Variants in ARL15 observed in about 807,000 individuals in gnomAD.
ARL15 encodes ADP-ribosylation factor-like protein 15.
A neutral mutation model predicts 25.2 loss-of-function variants in ARL15; 19 were observed. That is an observed-to-expected ratio of 0.75 (90% confidence interval 0.53 to 1.10). ARL15 has a LOEUF of 1.10. Ranked by LOEUF, ARL15 falls within the 50% of genes least tolerant of loss-of-function variation. The pLI is 0.00. For synonymous variants in ARL15, 94 were observed against 86.8 expected, an observed-to-expected ratio of 1.08 and a Z score of -0.46; for missense variants, 220 against 246.0, an observed-to-expected ratio of 0.89 and a Z score of 0.71.
Position 54,277,701 on chromosome 5 carries a change from G to A in ARL15, c.48+32731C>T, listed in dbSNP as rs113006356. ...CGGGAGGCAGAGCTTGCAGTGAGCC[G>A]AGATCGTGCCACTGCACTCCAGGCT... On this transcript the variant is annotated intron_variant, in intron 1 of 4. Coordinates refer to ENST00000504924, the MANE Select transcript of ARL15 (RefSeq NM_019087.3). Among the ~76,000 whole-genome samples the A allele has an allele frequency of 6.8e-3, 1,035 of 152,158 alleles. 19 individuals carry two copies. The highest frequency in any genetic ancestry group is 0.023 in the African/African-American group (971 of 41,500).
intron 1 of ARL15, among the ~76,000 whole-genome samples, chr5:54,284,988 T>A (rs1440164704): frequency 6.6e-6 from 1 of 152,228 alleles, no homozygotes; most frequent in African/African-American, 2.4e-5. Context: ...ATGCTATATT[T>A]GCAAGAAACT....
intron 4 of ARL15, among the ~76,000 whole-genome samples, chr5:53,990,238 A>T (rs2111652138): frequency 1.0e-5 from 1 of 96,618 alleles, no homozygotes; most frequent in Non-Finnish European, 2.2e-5. Context: ...GTCTCTAAAA[A>T]AAAAATAGTT....
chr5:53,999,114 C>T (rs141351201), intron 4 of ARL15, among the ~76,000 whole-genome samples: 4 of 152,074 alleles, frequency 2.6e-5, no homozygotes, highest in Non-Finnish European at 5.9e-5. Context: ...GTAGAAAGAA[C>T]AGAGAATAAA....
chr5:53,971,381 C>T (rs1747744126), intron 4 of ARL15, among the ~76,000 whole-genome samples: 1 of 152,076 alleles, frequency 6.6e-6, no homozygotes, highest in Non-Finnish European at 1.5e-5. Context: ...AGAGAGAAAA[C>T]TTGCCAAGAA....
chr5:54,134,165 T>C (rs1429111293), intron 3 of ARL15, among the ~76,000 whole-genome samples: 1 of 152,210 alleles, frequency 6.6e-6, no homozygotes, highest in Non-Finnish European at 1.5e-5. Flanking sequence ...AAAACTGGGA[T>C]CATTGTGAAC....
At chr5:54,129,206 C>G (rs549126735) in intron 3 of ARL15, among the ~76,000 whole-genome samples, 5 of 152,080 alleles carry the variant, frequency 3.3e-5, no homozygotes, top group Non-Finnish European at 7.4e-5. Context: ...TGATAGGATG[C>G]CTCAACTATC....
intron 4 of ARL15, among the ~76,000 whole-genome samples, chr5:54,041,603 A>G (rs1750343692): frequency 6.6e-6 from 1 of 152,178 alleles, no homozygotes; most frequent in Non-Finnish European, 1.5e-5. Flanking sequence ...TATTATTACA[A>G]TCACATGCTT....
chr5:54,208,892 A>G (rs559782702), intron 1 of ARL15, among the ~76,000 whole-genome samples: 1 of 152,274 alleles, frequency 6.6e-6, no homozygotes, highest in Admixed American at 6.6e-5. Flanking sequence ...AATGTCACCA[A>G]GAAGATGAAC....
intron 1 of ARL15, among the ~76,000 whole-genome samples, chr5:54,267,093 G>A (rs554695168): frequency 6.4e-4 from 97 of 152,166 alleles, no homozygotes; most frequent in African/African-American, 2.3e-3. Context: ...TTTTGTTTTT[G>A]TTTGTTTGTT....
chr5:54,166,156 C>T (rs1253210001), intron 2 of ARL15, among the ~76,000 whole-genome samples: 1 of 151,932 alleles, frequency 6.6e-6, no homozygotes, highest in Non-Finnish European at 1.5e-5. Flanking sequence ...TATGATGTGC[C>T]TTGGTATAGT....
chr5:54,163,755 T>G (rs1754490594), intron 2 of ARL15, among the ~76,000 whole-genome samples: 1 of 152,022 alleles, frequency 6.6e-6, no homozygotes, highest in Non-Finnish European at 1.5e-5. Context: ...TGATGTCACC[T>G]TTCTTATTCC....
intron 4 of ARL15, among the ~76,000 whole-genome samples, chr5:53,917,511 C>A (rs568966839): frequency 6.6e-6 from 1 of 152,336 alleles, no homozygotes; most frequent in Admixed American, 6.5e-5. Flanking sequence ...ACTAACCAAA[C>A]ACATAAAATC....
At chr5:54,300,179 A>G (rs1406625902) in intron 1 of ARL15, among the ~76,000 whole-genome samples, 1 of 152,138 alleles carries the variant, frequency 6.6e-6, no homozygotes, top group Non-Finnish European at 1.5e-5. Flanking sequence ...TGCCTTTTTT[A>G]CTGCCTTGAT....
chr5:53,952,876 A>C (rs955400345), intron 4 of ARL15, among the ~76,000 whole-genome samples: 2 of 152,186 alleles, frequency 1.3e-5, no homozygotes, highest in Admixed American at 6.5e-5. Flanking sequence ...ATAATCCCTA[A>C]ACCTGTTTTA....
rs1037112553 is a variant in ARL15 at position 54,078,570 on chromosome 5, A to G, written c.462+34632T>C. ...AGCATTGGCCCATGGCAAATATTCA[A>G]CCCTGACTCTATCCTTACTTCATGG... On this transcript the variant is annotated intron_variant, in intron 4 of 4. Coordinates refer to ENST00000504924, the MANE Select transcript of ARL15 (RefSeq NM_019087.3). Among the ~76,000 whole-genome samples, 5 of 152,206 alleles carry G rather than the reference A, an allele frequency of 3.3e-5. No homozygotes were observed. The South Asian group carries it at 8.3e-4, about 25-fold the overall frequency.
chr5:54,140,389 A>AATAT (rs368184225), intron 3 of ARL15, among the ~76,000 whole-genome samples: 2 of 151,426 alleles, frequency 1.3e-5, no homozygotes, highest in African/African-American at 4.9e-5. Context: ...AAAGGGTTTA[A>AATAT]ATATATATAT....
intron 1 of ARL15, among the ~76,000 whole-genome samples, chr5:54,219,270 T>C (rs1428122760): frequency 6.6e-6 from 1 of 152,176 alleles, no homozygotes; most frequent in Non-Finnish European, 1.5e-5. Context: ...AAAAGTAAAG[T>C]TGAATAGTTC....
chr5:53,963,288 GCATGGTAAAAATA>G (rs1747429259), intron 4 of ARL15, among the ~76,000 whole-genome samples: 1 of 152,090 alleles, frequency 6.6e-6, no homozygotes, highest in Admixed American at 6.5e-5. Flanking sequence ...GCAGACTTTG[GCATGGTAAAAATA>G]CATCTTGAAA....
At chr5:53,927,389 C>T (rs994158406) in intron 4 of ARL15, among the ~76,000 whole-genome samples, 2 of 152,134 alleles carry the variant, frequency 1.3e-5, no homozygotes, top group Non-Finnish European at 2.9e-5. Flanking sequence ...GTGCACCACC[C>T]TTATGTTTTC....
Sources: gnomAD v4.1 joint callset for allele counts (sites outside exome capture counted in the v4.1 genomes callset) on GRCh38, gnomAD v4.1.1 for gene constraint, MANE v1.5 for transcripts, NCBI Gene and HGNC (gene_info 2026-07-23, HGNC 2026-07-21) for gene names.